The following DPP10 variants were observed in gnomAD, a reference collection of about 807,000 sequenced individuals.
DPP10 encodes inactive dipeptidyl peptidase 10.
In DPP10, 33 loss-of-function variants were observed where a neutral mutation model predicts 120.9. That is an observed-to-expected ratio of 0.27 (90% CI 0.21 to 0.37). DPP10 has a LOEUF of 0.37. Among genes scored for constraint, DPP10 ranks in the 10% least tolerant of loss-of-function variants. The pLI is 1.00. For synonymous variants in DPP10, 337 were observed against 326.1 expected (o/e 1.03, Z -0.36); for missense variants, 816 against 942.8 (o/e 0.87, Z 1.76).
intron 1 of DPP10, among the ~76,000 whole-genome samples, chr2:114,879,540 T>C (rs1008243023): frequency 1.3e-5 from 2 of 152,110 alleles, no homozygotes; most frequent in African/African-American, 2.4e-5. Context: ...AAGCAAACAG[T>C]GCACAATTTT....
chr2:115,059,084 CACCT>C (rs1706181335), intron 1 of DPP10, among the ~76,000 whole-genome samples: 1 of 151,974 alleles, frequency 6.6e-6, no homozygotes, highest in Non-Finnish European at 1.5e-5. Flanking sequence ...CTGAGGGTTC[CACCT>C]AAGGGTGACC....
intron 1 of DPP10, among the ~76,000 whole-genome samples, chr2:115,042,700 G>A (rs1230438560): frequency 6.6e-6 from 1 of 152,240 alleles, no homozygotes; most frequent in African/African-American, 2.4e-5. Context: ...TATTCAAAGA[G>A]CAGAGGGTCA....
intron 1 of DPP10, among the ~76,000 whole-genome samples, chr2:114,823,275 G>GA (rs968267515): frequency 6.6e-6 from 1 of 152,024 alleles, no homozygotes; most frequent in Non-Finnish European, 1.5e-5. Flanking sequence ...AACAAAACGG[G>GA]AAGCCCTTTG....
intron 1 of DPP10, among the ~76,000 whole-genome samples, chr2:114,530,795 A>T (rs776016344): frequency 6.6e-6 from 1 of 152,210 alleles, no homozygotes; most frequent in Non-Finnish European, 1.5e-5. Context: ...TGCAGAATTA[A>T]TTAAACATAA....
intron 1 of DPP10, among the ~76,000 whole-genome samples, chr2:114,724,873 G>A (rs926496832): frequency 6.6e-6 from 1 of 152,206 alleles, no homozygotes; most frequent in Admixed American, 6.5e-5. Context: ...AGGAAGTTTA[G>A]CAAGAGTGTG....
At chr2:115,403,195 C>G (rs1331124736) in intron 3 of DPP10, among the ~76,000 whole-genome samples, 3 of 151,464 alleles carry the variant, frequency 2.0e-5, no homozygotes, top group Admixed American at 6.6e-5. Flanking sequence ...TAAGAAAACT[C>G]AGCACCCTTT....
intron 1 of DPP10, among the ~76,000 whole-genome samples, chr2:114,743,833 T>C (rs1168754093): frequency 6.6e-6 from 1 of 152,024 alleles, no homozygotes; most frequent in East Asian, 1.9e-4. Flanking sequence ...TAGTGGTATG[T>C]CCTATAAATA....
intron 1 of DPP10, among the ~76,000 whole-genome samples, chr2:115,186,598 A>C (rs968001910): frequency 5.9e-5 from 9 of 152,188 alleles, no homozygotes; most frequent in Non-Finnish European, 1.2e-4. Flanking sequence ...GGAAGGATGG[A>C]AGGTGGTCAT....
chr2:114,724,345 G>A (rs1048152614), intron 1 of DPP10, among the ~76,000 whole-genome samples: 20 of 152,138 alleles, frequency 1.3e-4, no homozygotes, highest in Admixed American at 1.1e-3. Context: ...CAATGTTATC[G>A]CTGTATTGTC....
At chr2:115,018,184 C>T (rs528967090) in intron 1 of DPP10, among the ~76,000 whole-genome samples, 3 of 152,088 alleles carry the variant, frequency 2.0e-5, no homozygotes, top group East Asian at 1.9e-4. Flanking sequence ...GTTAGAATGG[C>T]GATCATTAAA....
At chr2:114,658,820 T>C (rs1356027045) in intron 1 of DPP10, among the ~76,000 whole-genome samples, 1 of 152,200 alleles carries the variant, frequency 6.6e-6, no homozygotes, top group Non-Finnish European at 1.5e-5. Flanking sequence ...CACTGATTGA[T>C]GTCAGACATT....
intron 1 of DPP10, among the ~76,000 whole-genome samples, chr2:114,737,999 A>G (rs1043486324): frequency 4.6e-5 from 7 of 152,210 alleles, no homozygotes; most frequent in Non-Finnish European, 1.0e-4. Context: ...GGGAAGCCTT[A>G]GGAAACTTAC....
intron 19 of DPP10, among the ~76,000 whole-genome samples, chr2:115,803,973 G>A (rs1435576700): frequency 6.6e-6 from 1 of 152,044 alleles, no homozygotes; most frequent in Non-Finnish European, 1.5e-5. Flanking sequence ...TCTGAATATT[G>A]GCCTTCCTTG....
chr2:114,888,927 A>G (rs752157013), intron 1 of DPP10, among the ~76,000 whole-genome samples: 41 of 152,178 alleles, frequency 2.7e-4, no homozygotes, highest in Non-Finnish European at 3.5e-4. Context: ...CGTGTGTTGA[A>G]ATCTTAACCC....
At chr2:114,474,407 C>G (rs1680200515) in intron 1 of DPP10, among the ~76,000 whole-genome samples, 1 of 152,210 alleles carries the variant, frequency 6.6e-6, no homozygotes, top group Non-Finnish European at 1.5e-5. Context: ...GGCCCTTCTT[C>G]TTTTTCCTGG....
At chr2:114,870,310 G>A (rs1191772913) in intron 1 of DPP10, among the ~76,000 whole-genome samples, 1 of 152,054 alleles carries the variant, frequency 6.6e-6, no homozygotes, top group East Asian at 1.9e-4. Context: ...AGAAGTAAAT[G>A]GTGTAATGCA....
intron 1 of DPP10, among the ~76,000 whole-genome samples, chr2:115,262,854 G>C (rs1333713909): frequency 1.3e-5 from 2 of 151,382 alleles, no homozygotes; most frequent in Non-Finnish European, 2.9e-5. Flanking sequence ...ATTCATAATA[G>C]ATTGTATATT....
At chr2:115,415,128 G>A (rs2069276419) in intron 3 of DPP10, among the ~76,000 whole-genome samples, 1 of 152,080 alleles carries the variant, frequency 6.6e-6, no homozygotes, top group South Asian at 2.1e-4. Context: ...TGGTTTTCCT[G>A]GTAAGATAAG....
intron 1 of DPP10, among the ~76,000 whole-genome samples, chr2:114,457,945 A>T (rs1678672192): frequency 6.6e-6 from 1 of 152,204 alleles, no homozygotes; most frequent in Non-Finnish European, 1.5e-5. Context: ...AACAGAAGAC[A>T]GACCAGTGTT....
Sources: allele counts gnomAD v4.1 joint callset (sites outside exome capture counted in the v4.1 genomes callset), GRCh38; gene constraint gnomAD v4.1.1; transcripts MANE v1.5; gene names NCBI Gene and HGNC (gene_info 2026-07-23, HGNC 2026-07-21).